ITGBL1: variants seen among roughly 807,000 people sequenced by gnomAD.
ITGBL1 encodes the protein integrin beta-like protein 1.
A neutral mutation model predicts 68.5 loss-of-function variants in ITGBL1; 51 were observed. The observed-to-expected ratio is 0.74, with a 90% CI of 0.59 to 0.94. ITGBL1 has a LOEUF of 0.94. Among genes scored for constraint, ITGBL1 ranks in the 40% least tolerant of loss-of-function variants. The probability of loss-of-function intolerance (pLI) is 0.00; values close to 1 mark genes in which losing one functional copy is unlikely to be tolerated. For missense variants in ITGBL1, 649 were observed against 647.4 expected, an observed-to-expected ratio of 1.00 and a Z score of -0.03; for synonymous variants, 209 against 227.3, an observed-to-expected ratio of 0.92 and a Z score of 0.72.
intron 2 of ITGBL1, among the ~76,000 whole-genome samples, chr13:101,539,173 G>C (rs566111925): frequency 6.7e-6 from 1 of 148,264 alleles, no homozygotes; most frequent in South Asian, 2.2e-4. Context: ...TTTAGCATTA[G>C]GTATATCTCC....
At chr13:101,578,462 A>G (rs554833158) in intron 4 of ITGBL1, among the ~76,000 whole-genome samples, 2 of 152,238 alleles carry the variant, frequency 1.3e-5, no homozygotes, top group African/African-American at 2.4e-5. Flanking sequence ...GAGTATAAGA[A>G]GTAAAATTTG....
At chr13:101,484,002 CT>C (rs2048665669) in intron 2 of ITGBL1, among the ~76,000 whole-genome samples, 3 of 151,952 alleles carry the variant, frequency 2.0e-5, no homozygotes, top group African/African-American at 7.2e-5. Flanking sequence ...CTCTGTGGAA[CT>C]TCGTCATGAT....
At chr13:101,672,614 C>T (rs1334816160) in intron 7 of ITGBL1, among the ~76,000 whole-genome samples, 1 of 152,170 alleles carries the variant, frequency 6.6e-6, no homozygotes, top group African/African-American at 2.4e-5. Context: ...ACACCTGATC[C>T]AATCAATCTG....
intron 7 of ITGBL1, among the ~76,000 whole-genome samples, chr13:101,607,009 C>T (rs1173718622): frequency 2.6e-5 from 4 of 151,996 alleles, no homozygotes; most frequent in African/African-American, 7.2e-5. Flanking sequence ...ATTCTTGTAG[C>T]AGGATTCATG....
intron 7 of ITGBL1, among the ~76,000 whole-genome samples, chr13:101,661,215 G>T (rs1372238360): frequency 6.6e-6 from 1 of 151,888 alleles, no homozygotes; most frequent in Non-Finnish European, 1.5e-5. Flanking sequence ...CCTGACTTTG[G>T]TTCATGGTGG....
intron 9 of ITGBL1, chr13:101,711,266 T>A (rs2034453692): frequency 6.6e-6 from 1 of 152,232 alleles, no homozygotes; most frequent in Non-Finnish European, 1.5e-5. Flanking sequence ...CAGATGCTGT[T>A]GTGTGACAAT....
chr13:101,521,051 G>A (rs1343025937), intron 2 of ITGBL1, among the ~76,000 whole-genome samples: 1 of 152,158 alleles, frequency 6.6e-6, no homozygotes. Flanking sequence ...GGGTTACCAA[G>A]TGAAAGAGTG....
chr13:101,648,821 G>A (rs1376427002), intron 7 of ITGBL1, among the ~76,000 whole-genome samples: 1 of 151,938 alleles, frequency 6.6e-6, no homozygotes, highest in African/African-American at 2.4e-5. Context: ...GGTTAGTGGT[G>A]GAGTTGGTGG....
chr13:101,643,936 C>T (rs1361742320), intron 7 of ITGBL1, among the ~76,000 whole-genome samples: 3 of 152,136 alleles, frequency 2.0e-5, no homozygotes, highest in Admixed American at 6.6e-5. Flanking sequence ...TGTAAACTGG[C>T]GGTCCTCCAG....
intron 2 of ITGBL1, among the ~76,000 whole-genome samples, chr13:101,539,296 T>C (rs376139476): frequency 4.0e-5 from 6 of 150,312 alleles, no homozygotes; most frequent in Admixed American, 3.3e-4. Context: ...AGTGAGAACA[T>C]GTGGTGTTTG....
At chr13:101,520,370 T>C (rs2049265734) in intron 2 of ITGBL1, among the ~76,000 whole-genome samples, 1 of 152,148 alleles carries the variant, frequency 6.6e-6, no homozygotes, top group African/African-American at 2.4e-5. Flanking sequence ...GAGAGCAGCA[T>C]TTATTTTGTT....
intron 1 of ITGBL1, among the ~76,000 whole-genome samples, chr13:101,453,348 C>T (rs1431028865): frequency 1.3e-5 from 2 of 152,126 alleles, no homozygotes; most frequent in African/African-American, 4.8e-5. Context: ...TGAAACTAAA[C>T]TTTTTAAAAG....
downstream of ITGBL1, chr13:101,718,433 A>G (rs1186871205): frequency 1.3e-5 from 2 of 152,110 alleles, no homozygotes; most frequent in African/African-American, 4.8e-5. Flanking sequence ...CTTACTTGTA[A>G]TGGGTGAGAG....
chr13:101,485,798 A>G (rs1266207926), intron 2 of ITGBL1, among the ~76,000 whole-genome samples: 1 of 152,078 alleles, frequency 6.6e-6, no homozygotes, highest in Non-Finnish European at 1.5e-5. Flanking sequence ...TCTCAGAACA[A>G]AACAAAACAA....
intron 2 of ITGBL1, among the ~76,000 whole-genome samples, chr13:101,464,359 T>C (rs1326364774): frequency 6.6e-6 from 1 of 152,182 alleles, no homozygotes; most frequent in Non-Finnish European, 1.5e-5. Context: ...TCTCATTTTT[T>C]GCCCATCCAT....
At chr13:101,510,413 A>G (rs1373310171) in intron 2 of ITGBL1, among the ~76,000 whole-genome samples, 2 of 152,084 alleles carry the variant, frequency 1.3e-5, no homozygotes, top group Non-Finnish European at 2.9e-5. Context: ...TCCACCATTG[A>G]TGGGTATGTA....
chr13:101,563,566 C>T (rs544920598), intron 2 of ITGBL1, among the ~76,000 whole-genome samples: 1 of 151,690 alleles, frequency 6.6e-6, no homozygotes, highest in Non-Finnish European at 1.5e-5. Context: ...GGGCCAAGTC[C>T]TTGAAAGACA....
intron 2 of ITGBL1, among the ~76,000 whole-genome samples, chr13:101,542,756 T>C (rs1379021116): frequency 6.6e-6 from 1 of 152,224 alleles, no homozygotes; most frequent in Non-Finnish European, 1.5e-5. Flanking sequence ...TGGGTGCATA[T>C]ATATTTAGGA....
intron 7 of ITGBL1, among the ~76,000 whole-genome samples, chr13:101,608,927 TGGTGAG>T (rs2030998091): frequency 6.6e-6 from 1 of 152,038 alleles, no homozygotes; most frequent in Non-Finnish European, 1.5e-5. Context: ...ATAAATGAAT[TGGTGAG>T]TTTTTTCAGA....
Sources: gnomAD v4.1 joint callset for allele counts (sites outside exome capture counted in the v4.1 genomes callset) on GRCh38, gnomAD v4.1.1 for gene constraint, MANE v1.5 for transcripts, NCBI Gene and HGNC (gene_info 2026-07-23, HGNC 2026-07-21) for gene names.